CA10: variants seen among roughly 807,000 people sequenced by gnomAD.
CA10 encodes carbonic anhydrase-related protein 10.
CA10 carries 14 observed loss-of-function variants against 44.2 expected under a neutral mutation model. That is an observed-to-expected ratio of 0.32 (90% CI 0.21 to 0.50). CA10 has a LOEUF of 0.50. Among genes scored for constraint, CA10 ranks in the 20% least tolerant of loss-of-function variants. The pLI, the probability that CA10 is intolerant of heterozygous loss-of-function variation, is 0.99. For synonymous variants in CA10, 159 were observed against 141.6 expected, an observed-to-expected ratio of 1.12 and a Z score of -0.87; for missense variants, 350 against 409.7, an observed-to-expected ratio of 0.85 and a Z score of 1.26.
intron 4 of CA10, among the ~76,000 whole-genome samples, chr17:51,684,212 C>T (rs891704578): frequency 6.6e-6 from 1 of 152,122 alleles, no homozygotes; most frequent in Non-Finnish European, 1.5e-5. Context: ...CGTCAACTGG[C>T]CATTGCTGGC....
intron 3 of CA10, among the ~76,000 whole-genome samples, chr17:51,755,363 C>A (rs150206713): frequency 6.6e-6 from 1 of 152,058 alleles, no homozygotes; most frequent in African/African-American, 2.4e-5. Flanking sequence ...ATGGAGATAG[C>A]GCTTGTAGGG....
intron 4 of CA10, among the ~76,000 whole-genome samples, chr17:51,730,806 A>C (rs1468728583): frequency 6.6e-6 from 1 of 152,204 alleles, no homozygotes; most frequent in Non-Finnish European, 1.5e-5. Context: ...ATAATGGGAA[A>C]ACTATCCCAG....
At chr17:51,640,616 C>A (rs1913041698) in intron 6 of CA10, among the ~76,000 whole-genome samples, 1 of 152,178 alleles carries the variant, frequency 6.6e-6, no homozygotes, top group Non-Finnish European at 1.5e-5. Context: ...CTTTCTGCAT[C>A]TTCTTTTCTC....
At chr17:51,943,758 T>C (rs533549278) in intron 2 of CA10, among the ~76,000 whole-genome samples, 1 of 152,298 alleles carries the variant, frequency 6.6e-6, no homozygotes, top group South Asian at 2.1e-4. Flanking sequence ...CCATAGGTCA[T>C]GATAATAGGA....
intron 3 of CA10, among the ~76,000 whole-genome samples, chr17:51,866,120 G>C (rs536873692): frequency 6.6e-6 from 1 of 152,318 alleles, no homozygotes; most frequent in African/African-American, 2.4e-5. Flanking sequence ...GTCATGTCCT[G>C]ATAGTTCCTG....
intron 2 of CA10, among the ~76,000 whole-genome samples, chr17:52,067,375 C>T (rs1212332179): frequency 1.3e-5 from 2 of 152,248 alleles, no homozygotes; most frequent in Non-Finnish European, 2.9e-5. Context: ...AAGCCAAGAA[C>T]TGAAGTTTAG....
chr17:51,835,460 A>G (rs149989741), intron 3 of CA10, among the ~76,000 whole-genome samples: 2 of 152,346 alleles, frequency 1.3e-5, no homozygotes, highest in Non-Finnish European at 2.9e-5. Flanking sequence ...CCAGCTATCT[A>G]TGGCTTGCCA....
chr17:52,003,402 GATT>G (rs1363160911), intron 2 of CA10, among the ~76,000 whole-genome samples: 1 of 151,878 alleles, frequency 6.6e-6, no homozygotes, highest in African/African-American at 2.4e-5. Flanking sequence ...GTAAGAGCCA[GATT>G]GCATATGTAT....
intron 3 of CA10, among the ~76,000 whole-genome samples, chr17:51,845,423 G>A (rs1978449720): frequency 6.6e-6 from 1 of 152,206 alleles, no homozygotes; most frequent in Non-Finnish European, 1.5e-5. Flanking sequence ...CCATGTGAGT[G>A]AGCCATCTTG....
intron 3 of CA10, among the ~76,000 whole-genome samples, chr17:51,864,586 G>T (rs906056179): frequency 6.6e-6 from 1 of 152,054 alleles, no homozygotes; most frequent in South Asian, 2.1e-4. Context: ...CCCTGCTTTT[G>T]CCTTTCACAC....
In CA10 at chr17:51,741,930, C is replaced by T. The variant is rs141797403; in HGVS notation, c.465+5703G>A. ...AATAGATTGGGGTCAGCTAAAAAGGCCAGGTAGTAAATATTTTGGCTTCTG... is the reference window on the plus strand; with the variant it reads ...AATAGATTGGGGTCAGCTAAAAAGGTCAGGTAGTAAATATTTTGGCTTCTG... On this transcript the variant is annotated intron_variant, in intron 4 of 8. Transcript: ENST00000451037. Among the ~76,000 whole-genome samples the T allele has an allele frequency of 2.7e-3, 404 of 152,270 alleles. 2 individuals are homozygous for T. The highest frequency in any genetic ancestry group is 9.1e-3 in the African/African-American group (378 of 41,546).
intron 3 of CA10, among the ~76,000 whole-genome samples, chr17:51,848,406 T>G (rs1007629541): frequency 6.6e-6 from 1 of 152,226 alleles, no homozygotes; most frequent in Non-Finnish European, 1.5e-5. Flanking sequence ...TTTCTAATTG[T>G]GCCTAAATTG....
Position 51,899,817 on chromosome 17 carries a change from G to T in CA10, c.279+31173C>A, listed in dbSNP as rs11870299. 8.0e-5 allele frequency among the ~76,000 whole-genome samples: 12 copies of T among 150,376 alleles called. No individual in the cohort carries two copies. The East Asian group carries it at 2.1e-3, about 27-fold the overall frequency. ...TATAATGCCCTTCTTTGTATTTTTT[G>T]ATTGTTGTTGGTTTAAAGTCTACTT... is the stretch of plus-strand genomic sequence containing the variant. On this transcript the variant is annotated intron_variant, in intron 3 of 8. Coordinates refer to ENST00000451037, the MANE Select transcript of CA10 (RefSeq NM_020178.5).
intron 4 of CA10, among the ~76,000 whole-genome samples, chr17:51,742,234 A>G (rs1171291628): frequency 6.6e-6 from 1 of 152,264 alleles, no homozygotes; most frequent in East Asian, 1.9e-4. Flanking sequence ...TCACCATGGC[A>G]TATAAGTAGC....
At chr17:52,121,182 G>A (rs1487035671) in intron 1 of CA10, among the ~76,000 whole-genome samples, 1 of 152,174 alleles carries the variant, frequency 6.6e-6, no homozygotes, top group African/African-American at 2.4e-5. Context: ...TCAAAAGGCT[G>A]AATCACCTCC....
chr17:51,686,086 G>GGT (rs1255522155), intron 4 of CA10, among the ~76,000 whole-genome samples: 3 of 113,066 alleles, frequency 2.7e-5, no homozygotes, highest in African/African-American at 1.4e-4. Flanking sequence ...ATCATGGGTC[G>GGT]GGGGGGGCGT....
intron 4 of CA10, among the ~76,000 whole-genome samples, chr17:51,744,117 C>A (rs989870976): frequency 1.3e-5 from 2 of 151,996 alleles, no homozygotes; most frequent in African/African-American, 4.8e-5. Flanking sequence ...GTCAGGAATT[C>A]AAGACCAGCC....
chr17:51,843,355 G>A (rs112612106), intron 3 of CA10, among the ~76,000 whole-genome samples: 1,593 of 152,260 alleles, frequency 0.01, 28 homozygotes, highest in African/African-American at 0.035. Flanking sequence ...TGAATAAACC[G>A]TGACATTTAT....
intron 3 of CA10, among the ~76,000 whole-genome samples, chr17:51,930,385 T>C (rs564804721): frequency 1.3e-5 from 2 of 152,088 alleles, no homozygotes; most frequent in African/African-American, 4.8e-5. Context: ...TGGGCACTTG[T>C]GCCCTTCCAC....
Sources: gnomAD v4.1 joint callset for allele counts (sites outside exome capture counted in the v4.1 genomes callset) on GRCh38, gnomAD v4.1.1 for gene constraint, MANE v1.5 for transcripts, NCBI Gene and HGNC (gene_info 2026-07-23, HGNC 2026-07-21) for gene names.